ANK3: variants seen among roughly 807,000 people sequenced by gnomAD.
ANK3 encodes the protein ankyrin 3, also known as ankyrin-3.
A neutral mutation model predicts 370.9 loss-of-function variants in ANK3; 57 were observed. That is an observed-to-expected ratio of 0.15 (90% CI 0.12 to 0.19). The LOEUF (loss-of-function observed/expected upper bound fraction) is 0.19. Among genes scored for constraint, ANK3 ranks in the 10% least tolerant of loss-of-function variants. ANK3 has a pLI of 1.00. For synonymous variants in ANK3, 1,929 were observed against 1,946.3 expected (o/e 0.99, Z 0.23); for missense variants, 4,439 against 5,302.1 (o/e 0.84, Z 5.06).
rs553908735 is a variant in ANK3 at position 60,291,014 on chromosome 10, A to AT, written c.115-11376dup. Among the ~76,000 whole-genome samples the AT allele has an allele frequency of 3.7e-3, 559 of 152,134 alleles. 5 individuals carry two copies. Among genetic ancestry groups the AT allele is most frequent in the Middle Eastern group, 0.017 (5 of 294 alleles). ...GATCTAGAATTCAGGCCGTGGGGGT[A>AT]TTTTTTCTCACTCAGAATTCAGACC... On this transcript the variant is annotated intron_variant, in intron 1 of 43. Transcript: ENST00000280772.
chr10:60,569,749 AC>A (rs560397672), intron 2 of ANK3, among the ~76,000 whole-genome samples: 211 of 152,320 alleles, frequency 1.4e-3, no homozygotes, highest in Admixed American at 2.9e-3. Flanking sequence ...AAAACACTCA[AC>A]ACCAACACAT....
chr10:60,504,436 T>C (rs1163119424), intron 2 of ANK3, among the ~76,000 whole-genome samples: 1 of 152,154 alleles, frequency 6.6e-6, no homozygotes, highest in Non-Finnish European at 1.5e-5. Flanking sequence ...TTTACTCCCA[T>C]AAGGATTTGA....
chr10:60,355,944 T>C (rs2057670081), intron 1 of ANK3, among the ~76,000 whole-genome samples: 1 of 152,196 alleles, frequency 6.6e-6, no homozygotes, highest in Non-Finnish European at 1.5e-5. Flanking sequence ...AAGCCAGTTA[T>C]TTCGGAGTGT....
At chr10:60,730,421 G>T (rs1044445118) in intron 1 of ANK3, among the ~76,000 whole-genome samples, 5 of 152,132 alleles carry the variant, frequency 3.3e-5, no homozygotes, top group African/African-American at 1.2e-4. Context: ...GCCTCCCAAA[G>T]TTCTGGGATT....
intron 1 of ANK3, among the ~76,000 whole-genome samples, chr10:60,311,026 G>A (rs945260690): frequency 3.3e-5 from 5 of 152,134 alleles, no homozygotes; most frequent in Non-Finnish European, 5.9e-5. Flanking sequence ...GGATTGGGGA[G>A]GAGTAGTCAG....
chr10:60,458,442 C>T (rs1019386991), intron 2 of ANK3, among the ~76,000 whole-genome samples: 2 of 152,028 alleles, frequency 1.3e-5, no homozygotes, highest in Non-Finnish European at 2.9e-5. Flanking sequence ...CCTCCAGACC[C>T]CAAAGACATT....
chr10:60,493,256 G>A (rs1272993399), intron 2 of ANK3, among the ~76,000 whole-genome samples: 1 of 152,148 alleles, frequency 6.6e-6, no homozygotes, highest in Non-Finnish European at 1.5e-5. Context: ...TAAGCAGGAA[G>A]TGTCAAGATC....
chr10:60,075,303 T>C lies in ANK3; in HGVS notation c.5578A>G (p.Thr1860Ala). ...TGAGGCTGAGGATGTGTCTCCGTAG[T>C]CAATGTTTTAATGGGTGACAGCAAG... Reference protein sequence around the residue: ...AALLSPIKTLTTETHPQPHFS... With the variant: ...AALLSPIKTLATETHPQPHFS... Residue 1860 changes from threonine to alanine, a missense_variant, in exon 37 of 44, where the codon ACT becomes GCT. Physicochemically the swap from Thr to Ala is moderately conservative, Grantham distance 58. Transcript: ENST00000280772. 6.2e-7 allele frequency: 1 copy of C among 1,614,176 alleles called. No individual in the cohort carries two copies. The highest frequency in any genetic ancestry group is 2.2e-5 in the East Asian group (1 of 44,886).
At chr10:60,180,258 A>G (rs2096117854) in intron 18 of ANK3, among the ~76,000 whole-genome samples, 1 of 151,272 alleles carries the variant, frequency 6.6e-6, no homozygotes, top group Admixed American at 6.6e-5. Context: ...TTTATTCACA[A>G]TATTTAGTAG....
intron 2 of ANK3, among the ~76,000 whole-genome samples, chr10:60,441,445 C>T (rs1165184452): frequency 6.6e-6 from 1 of 152,036 alleles, no homozygotes; most frequent in East Asian, 1.9e-4. Flanking sequence ...ATTTTTTCCT[C>T]TGGATATTTT....
At chr10:60,121,428 A>G (rs2093464801) in intron 25 of ANK3, among the ~76,000 whole-genome samples, 1 of 151,772 alleles carries the variant, frequency 6.6e-6, no homozygotes, top group Non-Finnish European at 1.5e-5. Flanking sequence ...TGCATGGCAC[A>G]TGTCTGTAAT....
chr10:60,368,414 A>G (rs1459971997), intron 1 of ANK3, among the ~76,000 whole-genome samples: 1 of 152,188 alleles, frequency 6.6e-6, no homozygotes, highest in African/African-American at 2.4e-5. Context: ...ATACCAAGGC[A>G]AACATTGCTT....
chr10:60,380,912 G>T (rs2061465760), intron 1 of ANK3, among the ~76,000 whole-genome samples: 1 of 152,142 alleles, frequency 6.6e-6, no homozygotes, highest in Non-Finnish European at 1.5e-5. Flanking sequence ...AGAGGCTCTT[G>T]CAAGTAGCAA....
At chr10:60,631,898 A>G (rs1037535009) in intron 1 of ANK3, among the ~76,000 whole-genome samples, 2 of 152,204 alleles carry the variant, frequency 1.3e-5, no homozygotes, top group Non-Finnish European at 2.9e-5. Flanking sequence ...TATTTATGGT[A>G]AGGCTACCTA....
intron 1 of ANK3, among the ~76,000 whole-genome samples, chr10:60,709,618 C>T (rs924441466): frequency 7.9e-5 from 12 of 151,856 alleles, no homozygotes; most frequent in African/African-American, 2.7e-4. Flanking sequence ...TGAGCCCAAG[C>T]GTTTGAGACC....
chr10:60,470,835 C>T (rs1158608046), intron 2 of ANK3, among the ~76,000 whole-genome samples: 11 of 151,994 alleles, frequency 7.2e-5, no homozygotes, highest in Non-Finnish European at 1.6e-4. Context: ...AAAATAATAA[C>T]GTTTACAGAG....
In ANK3 at chr10:60,203,050, A is replaced by T; in HGVS notation, c.1344T>A (p.Ile448=). The part of the protein sequence containing the change: ...HVAAFMGHVN[I]VSQLMHHGAS... Reference sequence around the variant, plus strand: ...CTCCATGATGCATTAGTTGTGATACAATATTTACATGCCCCATGAAGGCAG... The same window carrying T: ...CTCCATGATGCATTAGTTGTGATACTATATTTACATGCCCCATGAAGGCAG... The change falls in exon 12 of 44, where the codon ATT becomes ATA. Residue 448 remains isoleucine (I), a synonymous_variant. Coordinates refer to ENST00000280772, the MANE Select transcript of ANK3 (RefSeq NM_020987.5). The T allele has an allele frequency of 6.2e-7, 1 of 1,613,682 alleles. No individual in the cohort carries two copies. The highest frequency in any genetic ancestry group is 8.5e-7 in the Non-Finnish European group (1 of 1,179,742).
chr10:60,120,218 T>C (rs1478275799), intron 25 of ANK3, among the ~76,000 whole-genome samples: 1 of 152,130 alleles, frequency 6.6e-6, no homozygotes, highest in Non-Finnish European at 1.5e-5. Flanking sequence ...GGAGGAATAA[T>C]AGTCTCTTCA....
chr10:60,340,659 T>A (rs1903206), intron 1 of ANK3, among the ~76,000 whole-genome samples: 33 of 151,534 alleles, frequency 2.2e-4, no homozygotes, highest in Non-Finnish European at 4.3e-4. Flanking sequence ...CAATCCTCCC[T>A]CCTCAGCCTC....
Sources: allele counts gnomAD v4.1 joint callset (sites outside exome capture counted in the v4.1 genomes callset), GRCh38; gene constraint gnomAD v4.1.1; transcripts MANE v1.5; gene names NCBI Gene and HGNC (gene_info 2026-07-23, HGNC 2026-07-21).